Variants in MAGI2 observed in about 807,000 individuals in gnomAD.
The protein encoded by MAGI2 is membrane associated guanylate kinase, WW and PDZ domain containing 2, also known as membrane-associated guanylate kinase, WW and PDZ domain-containing protein 2.
MAGI2 carries 35 observed loss-of-function variants against 133.3 expected under a neutral mutation model. The observed-to-expected ratio is 0.26, with a 90% CI of 0.20 to 0.35. The LOEUF is 0.35. MAGI2 is among the 10% of genes least tolerant of loss of function. MAGI2 has a pLI of 1.00. For synonymous variants in MAGI2, 729 were observed against 710.6 expected (o/e 1.03, Z -0.41); for missense variants, 1,636 against 1,863.4 (o/e 0.88, Z 2.25).
At chr7:78,813,004 C>G (rs1371419060) in intron 2 of MAGI2, among the ~76,000 whole-genome samples, 1 of 152,132 alleles carries the variant, frequency 6.6e-6, no homozygotes, top group Non-Finnish European at 1.5e-5. Flanking sequence ...ACAGTAGGCA[C>G]GTCCACCCTG....
chr7:79,442,405 C>A (rs541411936), intron 1 of MAGI2, among the ~76,000 whole-genome samples: 20 of 151,186 alleles, frequency 1.3e-4, no homozygotes, highest in African/African-American at 4.9e-4. Flanking sequence ...AGTGCCTTTC[C>A]GAGACTATTT....
intron 1 of MAGI2, among the ~76,000 whole-genome samples, chr7:79,369,093 G>A (rs848912): frequency 0.5 from 75,942 of 151,846 alleles, 20,431 homozygotes; most frequent in African/African-American, 0.7. Flanking sequence ...TTTTTAAAGA[G>A]CAAATGGAAA....
intron 21 of MAGI2, among the ~76,000 whole-genome samples, chr7:78,048,194 A>G (rs1811628475): frequency 6.6e-6 from 1 of 152,212 alleles, no homozygotes; most frequent in Non-Finnish European, 1.5e-5. Flanking sequence ...AATGGCAACC[A>G]AATGGACATT....
At chr7:78,521,767 C>T in intron 3 of MAGI2, 122 bp from the exon 4 acceptor site, 1 of 689,900 alleles carries the variant, frequency 1.4e-6, no homozygotes, top group East Asian at 2.7e-5. Flanking sequence ...TACATAGACA[C>T]ATACATATAT....
intron 2 of MAGI2, among the ~76,000 whole-genome samples, chr7:78,950,196 C>G (rs560310925): frequency 6.6e-6 from 1 of 152,206 alleles, no homozygotes; most frequent in African/African-American, 2.4e-5. Flanking sequence ...GGTGATTCAC[C>G]TAATACATTT....
intron 2 of MAGI2, among the ~76,000 whole-genome samples, chr7:78,736,429 C>A (rs1441223683): frequency 6.6e-6 from 1 of 152,090 alleles, no homozygotes; most frequent in Non-Finnish European, 1.5e-5. Flanking sequence ...TTTTTAAGAA[C>A]CATACTTCCA....
intron 2 of MAGI2, among the ~76,000 whole-genome samples, chr7:78,906,975 A>G (rs1480407028): frequency 6.6e-6 from 1 of 152,240 alleles, no homozygotes; most frequent in African/African-American, 2.4e-5. Flanking sequence ...GAGTCTCAGC[A>G]AGTCCAGCCG....
chr7:78,253,863 A>G (rs1792688292), intron 10 of MAGI2: 1 of 152,198 alleles, frequency 6.6e-6, no homozygotes, highest in African/African-American at 2.4e-5. Context: ...GAGTCTGCTT[A>G]TCTCAAAGAG....
At position 78,282,525 on chromosome 7, in the gene MAGI2, A is replaced by ACTATCTATCTAT. The variant is rs74347605; in HGVS notation, c.1409-25956_1409-25945dup. 2.4e-4 allele frequency among the ~76,000 whole-genome samples: 37 copies of ACTATCTATCTAT among 152,076 alleles called. 1 individual carries two copies. In the South Asian group the frequency reaches 5.8e-3, roughly 24 times the overall value. On this transcript the variant is annotated intron_variant, in intron 9 of 21. Coordinates refer to ENST00000354212, the MANE Select transcript of MAGI2 (RefSeq NM_012301.4). The stretch of plus-strand genomic sequence containing the variant: ...GTAGCCCATAAAGCCAAGAATATTT[A>ACTATCTATCTAT]CTATCTATCTATCTATCTTGTCTTT...
intron 1 of MAGI2, among the ~76,000 whole-genome samples, chr7:79,341,502 T>A (rs1840900986): frequency 6.6e-6 from 1 of 152,126 alleles, no homozygotes; most frequent in Non-Finnish European, 1.5e-5. Context: ...ATTTGGTTAA[T>A]ATCTGCACTC....
At chr7:79,402,101 C>G (rs1208744559) in intron 1 of MAGI2, among the ~76,000 whole-genome samples, 1 of 152,052 alleles carries the variant, frequency 6.6e-6, no homozygotes, top group East Asian at 1.9e-4. Flanking sequence ...TTTAGCTGTC[C>G]TAGAACTTTG....
At chr7:78,407,416 T>C (rs1162217859) in intron 6 of MAGI2, among the ~76,000 whole-genome samples, 1 of 151,922 alleles carries the variant, frequency 6.6e-6, no homozygotes, top group African/African-American at 2.4e-5. Context: ...TTAAAAGGTG[T>C]TTTTTTATCT....
At chr7:78,388,203 C>G (rs977275476) in intron 6 of MAGI2, among the ~76,000 whole-genome samples, 5 of 152,092 alleles carry the variant, frequency 3.3e-5, no homozygotes, top group Non-Finnish European at 7.4e-5. Context: ...GAGTGCCCTA[C>G]AATGCTTGGC....
intron 6 of MAGI2, among the ~76,000 whole-genome samples, chr7:78,375,274 G>T (rs1794331922): frequency 6.6e-6 from 1 of 152,092 alleles, no homozygotes; most frequent in African/African-American, 2.4e-5. Flanking sequence ...ATGTTTAAAT[G>T]CAGCTGCATC....
Position 78,928,428 on chromosome 7 carries a change from C to G in MAGI2, c.418+78662G>C, listed in dbSNP as rs181225633. ...TAATTAAAAAAAAAACCCTCAAGAA[C>G]TGGAGATACCATGTCAACTTGAAGG... On this transcript the variant is annotated intron_variant, in intron 2 of 21. Coordinates refer to ENST00000354212, the MANE Select transcript of MAGI2 (RefSeq NM_012301.4). Among the ~76,000 whole-genome samples the G allele has an allele frequency of 2.4e-3, 360 of 151,844 alleles. 1 individual carries two copies. Among genetic ancestry groups the G allele is most frequent in the African/African-American group, 8.2e-3 (339 of 41,460 alleles).
In MAGI2 at chr7:78,426,804, A is replaced by C. The variant is rs1799323954; in HGVS notation, c.1046-57591T>G. 2.0e-5 allele frequency among the ~76,000 whole-genome samples: 3 copies of C among 152,190 alleles called. No homozygotes were observed. The South Asian group carries it at 6.2e-4, about 32-fold the overall frequency. ...TGGATCCCAGGCAGGATTAATATAAAGAAAATCTAACCTAGGCACATGATG... is the reference window on the plus strand; with the variant it reads ...TGGATCCCAGGCAGGATTAATATAACGAAAATCTAACCTAGGCACATGATG... On this transcript the variant is annotated intron_variant, in intron 6 of 21. Transcript: ENST00000354212.
At chr7:78,803,722 T>C (rs1242035163) in intron 2 of MAGI2, among the ~76,000 whole-genome samples, 1 of 152,264 alleles carries the variant, frequency 6.6e-6, no homozygotes, top group Non-Finnish European at 1.5e-5. Flanking sequence ...ATGACTCATA[T>C]ACTTAAAAGT....
chr7:78,385,073 G>A (rs951494451), intron 6 of MAGI2, among the ~76,000 whole-genome samples: 14 of 152,132 alleles, frequency 9.2e-5, no homozygotes, highest in Admixed American at 6.6e-5. Flanking sequence ...TAAGCAAGCT[G>A]GGCACTTGTC....
intron 1 of MAGI2, among the ~76,000 whole-genome samples, chr7:79,186,224 A>ATATATATATATATATT (rs1827106638): frequency 1.9e-5 from 2 of 106,998 alleles, no homozygotes; most frequent in Non-Finnish European, 4.3e-5. Context: ...ATATATATAT[A>ATATATATATATATATT]TATATATATA....
Sources: gnomAD v4.1 joint callset for allele counts (sites outside exome capture counted in the v4.1 genomes callset) on GRCh38, gnomAD v4.1.1 for gene constraint, MANE v1.5 for transcripts, NCBI Gene and HGNC (gene_info 2026-07-23, HGNC 2026-07-21) for gene names.